Variants in PPP2R2B observed in about 807,000 individuals in gnomAD.
The protein encoded by PPP2R2B is protein phosphatase 2 regulatory subunit Bbeta, also known as serine/threonine-protein phosphatase 2A 55 kDa regulatory subunit B beta isoform.
Under a neutral mutation model 46.0 loss-of-function variants are expected in PPP2R2B, and 5 were observed. That is an observed-to-expected ratio of 0.11 (90% CI 0.06 to 0.23). The LOEUF (loss-of-function observed/expected upper bound fraction) is 0.23, where lower values mean the gene tolerates loss of function less well. Ranked by LOEUF, PPP2R2B falls within the 10% of genes least tolerant of loss-of-function variation. The pLI is 1.00. For missense variants in PPP2R2B, 367 were observed against 575.0 expected, an observed-to-expected ratio of 0.64 and a Z score of 3.70; for synonymous variants, 215 against 206.7, an observed-to-expected ratio of 1.04 and a Z score of -0.34.
chr5:146,631,079 A>G (rs1280931314), intron 7 of PPP2R2B, among the ~76,000 whole-genome samples: 1 of 152,174 alleles, frequency 6.6e-6, no homozygotes, highest in Non-Finnish European at 1.5e-5. Context: ...AAGAAACAAA[A>G]CAAAATTGTC....
chr5:147,054,175 G>A (rs577824668), intron 1 of PPP2R2B, among the ~76,000 whole-genome samples: 6 of 152,202 alleles, frequency 3.9e-5, no homozygotes, highest in South Asian at 2.1e-4. Flanking sequence ...AGAATGTTTC[G>A]TTTAATTAAT....
intron 2 of PPP2R2B, among the ~76,000 whole-genome samples, chr5:146,865,293 G>GACACACACAC (rs36219835): frequency 1.4e-5 from 2 of 145,922 alleles, no homozygotes; most frequent in African/African-American, 5.0e-5. Flanking sequence ...CTTTGTCTCT[G>GACACACACAC]ACACACACAC....
At chr5:146,682,920 G>A (rs1446912430) in intron 5 of PPP2R2B, among the ~76,000 whole-genome samples, 1 of 152,194 alleles carries the variant, frequency 6.6e-6, no homozygotes, top group East Asian at 1.9e-4. Context: ...GAGGCAGGAG[G>A]AGACAAGAGG....
chr5:146,635,642 T>C (rs765652838), intron 7 of PPP2R2B, among the ~76,000 whole-genome samples: 88 of 152,314 alleles, frequency 5.8e-4, no homozygotes, highest in Non-Finnish European at 1.0e-3. Context: ...CTTCACTCAC[T>C]AGAGAGGCCC....
chr5:147,008,231 A>C (rs1754540771), intron 1 of PPP2R2B, among the ~76,000 whole-genome samples: 1 of 152,166 alleles, frequency 6.6e-6, no homozygotes, highest in Non-Finnish European at 1.5e-5. Context: ...AAATTTTTTA[A>C]TAAATTAGTG....
At chr5:146,608,775 A>T (rs868318555) in intron 7 of PPP2R2B, among the ~76,000 whole-genome samples, 3 of 151,878 alleles carry the variant, frequency 2.0e-5, no homozygotes, top group Non-Finnish European at 2.9e-5. Context: ...ACAGAGTAAG[A>T]CTCTGTCTCA....
chr5:146,816,871 T>G (rs1757961758), intron 2 of PPP2R2B, among the ~76,000 whole-genome samples: 1 of 152,194 alleles, frequency 6.6e-6, no homozygotes, highest in Non-Finnish European at 1.5e-5. Flanking sequence ...CCTGAGCATA[T>G]TTTTAAAAAG....
chr5:147,022,779 A>G (rs531031146), intron 1 of PPP2R2B, among the ~76,000 whole-genome samples: 1 of 152,260 alleles, frequency 6.6e-6, no homozygotes, highest in South Asian at 2.1e-4. Flanking sequence ...TCATAAACAG[A>G]GCAAACCATA....
chr5:146,631,846 G>A (rs1008889502), intron 7 of PPP2R2B, among the ~76,000 whole-genome samples: 1 of 152,084 alleles, frequency 6.6e-6, no homozygotes, highest in Non-Finnish European at 1.5e-5. Flanking sequence ...TAAAAGTTAT[G>A]CTCATTGTGT....
At chr5:146,968,735 C>T (rs766302760) in intron 1 of PPP2R2B, among the ~76,000 whole-genome samples, 12 of 152,202 alleles carry the variant, frequency 7.9e-5, no homozygotes, top group Non-Finnish European at 1.6e-4. Flanking sequence ...TGGTTTATAG[C>T]ATTTGCCAAT....
chr5:146,636,714 A>G (rs1336557549), intron 7 of PPP2R2B, among the ~76,000 whole-genome samples: 1 of 152,254 alleles, frequency 6.6e-6, no homozygotes. Context: ...ATGCATGAAT[A>G]CATGACAGCA....
At chr5:146,610,046 G>A (rs1174162394) in intron 7 of PPP2R2B, among the ~76,000 whole-genome samples, 1 of 118,570 alleles carries the variant, frequency 8.4e-6, no homozygotes, top group East Asian at 3.3e-4. Context: ...TGGGGGCAGG[G>A]CACAGACAAA....
chr5:146,601,911 T>G (rs1561759928), intron 7 of PPP2R2B, among the ~76,000 whole-genome samples: 4 of 152,178 alleles, frequency 2.6e-5, no homozygotes, highest in Non-Finnish European at 4.4e-5. Flanking sequence ...GATTTCCACT[T>G]ACAGGAAAAA....
chr5:146,811,290 G>A (rs10055150), intron 2 of PPP2R2B, among the ~76,000 whole-genome samples: 19 of 152,004 alleles, frequency 1.2e-4, no homozygotes, highest in African/African-American at 3.1e-4. Context: ...GAGCCACGGC[G>A]TCCAGCCATA....
intron 1 of PPP2R2B, among the ~76,000 whole-genome samples, chr5:147,047,456 C>T (rs958084451): frequency 2.6e-5 from 4 of 151,954 alleles, no homozygotes; most frequent in Non-Finnish European, 1.5e-5. Context: ...TCTTAAACTC[C>T]ACCCCCCAAA....
chr5:146,810,996 A>G (rs1757507266), intron 2 of PPP2R2B, among the ~76,000 whole-genome samples: 1 of 150,136 alleles, frequency 6.7e-6, no homozygotes, highest in Non-Finnish European at 1.5e-5. Context: ...TCCTTGTGAT[A>G]GTTTGCCGAG....
intron 1 of PPP2R2B, among the ~76,000 whole-genome samples, chr5:146,928,399 C>T (rs190412230): frequency 8.5e-5 from 13 of 152,070 alleles, no homozygotes; most frequent in Non-Finnish European, 1.8e-4. Flanking sequence ...CACCTGGGGC[C>T]TCTTCCACCT....
At chr5:146,770,046 T>C (rs1320137251) in intron 2 of PPP2R2B, among the ~76,000 whole-genome samples, 1 of 152,074 alleles carries the variant, frequency 6.6e-6, no homozygotes, top group Non-Finnish European at 1.5e-5. Flanking sequence ...ATGGAGAATT[T>C]GGCTGGGTGT....
intron 1 of PPP2R2B, among the ~76,000 whole-genome samples, chr5:146,947,977 C>T (rs996332059): frequency 6.6e-6 from 1 of 151,784 alleles, no homozygotes; most frequent in Non-Finnish European, 1.5e-5. Context: ...TAAGCAAAGG[C>T]ATGCACTCAT....
Sources: gnomAD v4.1 joint callset for allele counts (sites outside exome capture counted in the v4.1 genomes callset) on GRCh38, gnomAD v4.1.1 for gene constraint, MANE v1.5 for transcripts, NCBI Gene and HGNC (gene_info 2026-07-23, HGNC 2026-07-21) for gene names.